Variants in GALNT11 observed in about 807,000 individuals in gnomAD.
GALNT11 encodes the protein UDP-GalNAc:polypeptide N-acetylgalactosaminyltransferase 11.
GALNT11 carries 47 observed loss-of-function variants against 72.7 expected under a neutral mutation model. The observed-to-expected ratio is 0.65, with a 90% confidence interval of 0.51 to 0.82. The LOEUF is 0.82. Among genes scored for constraint, GALNT11 ranks in the 40% least tolerant of loss-of-function variants. The pLI is 0.00. For synonymous variants in GALNT11, 270 were observed against 286.6 expected (o/e 0.94, Z 0.58); for missense variants, 677 against 778.4 (o/e 0.87, Z 1.55).
At chr7:152,101,058 TTTCCACTTGTA>T in intron 3 of GALNT11, 137 bp downstream of exon 3, 1 of 1,177,324 alleles carries the variant, frequency 8.5e-7, no homozygotes, top group South Asian at 1.5e-5. Context: ...TTGAGACAGA[TTTCCACTTGTA>T]TTATATGTGA....
intron 1 of GALNT11, among the ~76,000 whole-genome samples, chr7:152,074,046 C>T (rs1563057661): frequency 6.6e-6 from 1 of 152,012 alleles, no homozygotes; most frequent in Non-Finnish European, 1.5e-5. Context: ...GTATTAATCC[C>T]CTTTTGGATG....
intron 3 of GALNT11, 28 bp downstream of exon 3, chr7:152,100,949 C>A: frequency 1.2e-6 from 2 of 1,610,620 alleles, no homozygotes; most frequent in Non-Finnish European, 8.5e-7. Flanking sequence ...TTTGCAAATA[C>A]ATTTTAACAA....
intron 1 of GALNT11, among the ~76,000 whole-genome samples, chr7:152,054,382 CTT>C (rs759470631): frequency 2.3e-4 from 30 of 131,254 alleles, no homozygotes; most frequent in East Asian, 2.2e-4. Context: ...GTCTACCTCA[CTT>C]TTTTTTTTTT....
intron 1 of GALNT11, among the ~76,000 whole-genome samples, chr7:152,072,427 A>G (rs546061203): frequency 6.6e-6 from 1 of 152,284 alleles, no homozygotes; most frequent in East Asian, 1.9e-4. Flanking sequence ...CTCAGAACTA[A>G]CTTTCTTCAA....
intron 1 of GALNT11, among the ~76,000 whole-genome samples, chr7:152,058,355 G>GT (rs2083808554): frequency 6.7e-6 from 1 of 150,052 alleles, no homozygotes; most frequent in African/African-American, 2.5e-5. Context: ...GTTTTGTTTT[G>GT]TTTTTTTGAG....
At chr7:152,055,567 G>GTA (rs912108361) in intron 1 of GALNT11, among the ~76,000 whole-genome samples, 21 of 120,416 alleles carry the variant, frequency 1.7e-4, no homozygotes, top group South Asian at 1.3e-3. Flanking sequence ...GTGTGTGTGT[G>GTA]TATATATACA....
intron 1 of GALNT11, among the ~76,000 whole-genome samples, chr7:152,032,496 A>G (rs969790264): frequency 6.6e-6 from 1 of 152,248 alleles, no homozygotes; most frequent in Non-Finnish European, 1.5e-5. Context: ...ACTAGACTCC[A>G]CTGACCGTTC....
In GALNT11 at chr7:152,110,597, T is replaced by C. The variant is rs746249448; in HGVS notation, c.1032T>C (p.Asp344=). The C allele has an allele frequency of 7.4e-6, 12 of 1,612,696 alleles. 1 individual carries two copies. In the South Asian group the frequency reaches 1.3e-4, roughly 18 times the overall value. Residue 344 remains aspartate (D), a synonymous_variant, in exon 7 of 12, where the codon GAT becomes GAC. Coordinates refer to ENST00000430044, the MANE Select transcript of GALNT11 (RefSeq NM_022087.4). ...RQYFHELGQY[D]SGMDIWGGEN... ...ATTTCCATGAACTTGGACAGTATGA[T>C]AGTGGCATGGATATCTGGGGAGGAG...
Position 152,108,100 on chromosome 7 carries a change from C to T in GALNT11, c.775C>T (p.Leu259=), listed in dbSNP as rs775695175. 1 of 1,614,056 alleles carries T rather than the reference C, an allele frequency of 6.2e-7. No individual in the cohort carries two copies. The highest frequency in any genetic ancestry group is 2.2e-5 in the East Asian group (1 of 44,866). The change falls in exon 6 of 12, where the codon CTG becomes TTG. Residue 259 remains leucine (L), a synonymous_variant. Transcript: ENST00000430044. ...GAATGTGATGTGGCTGCAGCCCTTG[C>T]TGGCCGCCATCCGTGAGGACCGGCA... ...EVNVMWLQPL[L]AAIREDRHTV... is the part of the protein sequence containing the mutation.
chr7:152,037,572 G>C (rs1431051096), intron 1 of GALNT11, among the ~76,000 whole-genome samples: 1 of 151,810 alleles, frequency 6.6e-6, no homozygotes, highest in Non-Finnish European at 1.5e-5. Context: ...GGCTATTCTG[G>C]GTCTTTTGTT....
intron 1 of GALNT11, among the ~76,000 whole-genome samples, chr7:152,051,162 T>C (rs1399836002): frequency 6.6e-6 from 1 of 150,976 alleles, no homozygotes; most frequent in Admixed American, 6.6e-5. Flanking sequence ...CATTTGGCCA[T>C]CTGGCTCTGC....
At chr7:152,105,619 ATACT>A (rs1448190351) in intron 5 of GALNT11, among the ~76,000 whole-genome samples, 1 of 152,230 alleles carries the variant, frequency 6.6e-6, no homozygotes, top group Non-Finnish European at 1.5e-5. Flanking sequence ...CCCTTCTTTG[ATACT>A]TACTGCCCCT....
intron 2 of GALNT11, among the ~76,000 whole-genome samples, chr7:152,096,505 T>C (rs2086381309): frequency 6.6e-6 from 1 of 151,924 alleles, no homozygotes; most frequent in African/African-American, 2.4e-5. Context: ...TCACCTGAGG[T>C]CAGGAATTTG....
intron 1 of GALNT11, among the ~76,000 whole-genome samples, chr7:152,076,536 A>G (rs747387431): frequency 1.2e-4 from 19 of 152,182 alleles, no homozygotes; most frequent in Non-Finnish European, 1.5e-4. Flanking sequence ...CGTATGTCAG[A>G]GTTGTGATTT....
chr7:152,098,429 A>AAAATAAAT (rs563974599), intron 2 of GALNT11, among the ~76,000 whole-genome samples: 2 of 151,942 alleles, frequency 1.3e-5, no homozygotes, highest in African/African-American at 2.4e-5. Context: ...TGTCTCAAAA[A>AAAATAAAT]AAATAAATAA....
At chr7:152,073,450 A>G (rs949478019) in intron 1 of GALNT11, among the ~76,000 whole-genome samples, 1 of 152,172 alleles carries the variant, frequency 6.6e-6, no homozygotes, top group Non-Finnish European at 1.5e-5. Flanking sequence ...CTCCAGTTCC[A>G]TCCATGTTGC....
intron 4 of GALNT11, 56 bp from the exon 5 acceptor site, chr7:152,105,189 A>G (rs1013238575): frequency 6.4e-7 from 1 of 1,552,084 alleles, no homozygotes; most frequent in South Asian, 1.2e-5. Flanking sequence ...AATAGCTGTA[A>G]AGTGTCTTTA....
In GALNT11 at chr7:152,105,305, TCA is replaced by T; in HGVS notation, c.648_649del (p.Ile217LysfsTer6). ...AAATACCTCCCTGGAAAAATTAAAGTCATAAGAAATACAAAGCGTGAGGGGTT... is the reference window on the plus strand; with the variant it reads ...AAATACCTCCCTGGAAAAATTAAAGTTAAGAAATACAAAGCGTGAGGGGTT... On this transcript the variant is annotated frameshift_variant, in exon 5 of 12. Transcript: ENST00000430044. LOFTEE classifies it high-confidence loss of function. 6.2e-7 allele frequency: 1 copy of T among 1,613,978 alleles called. No homozygotes were observed. Among genetic ancestry groups the T allele is most frequent in the Non-Finnish European group, 8.5e-7 (1 of 1,179,968 alleles).
intron 1 of GALNT11, among the ~76,000 whole-genome samples, chr7:152,092,204 T>G (rs2086084806): frequency 6.6e-6 from 1 of 152,218 alleles, no homozygotes; most frequent in African/African-American, 2.4e-5. Context: ...TAAGCGAACA[T>G]TTTAGGGAGT....
Sources: allele counts gnomAD v4.1 joint callset (sites outside exome capture counted in the v4.1 genomes callset), GRCh38; gene constraint gnomAD v4.1.1; transcripts MANE v1.5; gene names NCBI Gene and HGNC (gene_info 2026-07-23, HGNC 2026-07-21).